Variants in EPM2A observed in about 807,000 individuals in gnomAD.
EPM2A encodes EPM2A glucan phosphatase, laforin, also known as laforin.
Under a neutral mutation model 26.5 loss-of-function variants are expected in EPM2A, and 21 were observed. The ratio of observed to expected loss-of-function variants is 0.79; its 90% confidence interval spans 0.56 to 1.14. The LOEUF is 1.14. Among genes scored for constraint, EPM2A ranks in the 50% most tolerant of loss-of-function variants. The pLI, the probability that EPM2A is intolerant of heterozygous loss-of-function variation, is 0.00. For missense variants in EPM2A, 458 were observed against 440.8 expected (o/e 1.04, Z -0.35); for synonymous variants, 217 against 177.6 (o/e 1.22, Z -1.76).
chr6:145,413,820 C>T (rs186310886), intron 4 of EPM2A, among the ~76,000 whole-genome samples: 11 of 152,296 alleles, frequency 7.2e-5, no homozygotes, highest in Non-Finnish European at 1.5e-4. Flanking sequence ...TAGACGGAAG[C>T]ATTTACACAC....
intron 2 of EPM2A, among the ~76,000 whole-genome samples, chr6:145,655,412 C>G (rs557135794): frequency 3.4e-4 from 52 of 152,214 alleles, no homozygotes; most frequent in African/African-American, 1.2e-3. Flanking sequence ...AGGATCTACT[C>G]TGTACCCAGG....
intron 4 of EPM2A, among the ~76,000 whole-genome samples, chr6:145,409,352 T>G (rs967907833): frequency 1.3e-5 from 2 of 152,198 alleles, no homozygotes; most frequent in Non-Finnish European, 2.9e-5. Flanking sequence ...ACTATCTATT[T>G]CTCCATATAG....
chr6:145,465,988 C>A (rs1225872485), intron 4 of EPM2A, among the ~76,000 whole-genome samples: 1 of 152,026 alleles, frequency 6.6e-6, no homozygotes, highest in East Asian at 1.9e-4. Flanking sequence ...AAAATCAATT[C>A]AAAATGGATT....
intron 2 of EPM2A, among the ~76,000 whole-genome samples, chr6:145,579,088 A>C (rs1392452878): frequency 2.6e-5 from 4 of 152,136 alleles, no homozygotes; most frequent in African/African-American, 9.7e-5. Flanking sequence ...CCAACATGGC[A>C]CATGTATACA....
At chr6:145,706,961 T>C (rs1438185246) in intron 1 of EPM2A, among the ~76,000 whole-genome samples, 2 of 152,174 alleles carry the variant, frequency 1.3e-5, no homozygotes, top group African/African-American at 2.4e-5. Flanking sequence ...TTAGTGTCTT[T>C]ATAAAAGGGC....
intron 2 of EPM2A, among the ~76,000 whole-genome samples, chr6:145,660,125 G>A (rs1318768753): frequency 6.6e-6 from 1 of 152,036 alleles, no homozygotes; most frequent in Non-Finnish European, 1.5e-5. Context: ...TATTTTATTT[G>A]TCTCTAGCAT....
chr6:145,508,708 A>G (rs1780013090), intron 2 of EPM2A, among the ~76,000 whole-genome samples: 1 of 152,240 alleles, frequency 6.6e-6, no homozygotes, highest in African/African-American at 2.4e-5. Flanking sequence ...TTTCACCTCC[A>G]AAGGATTGTA....
intron 2 of EPM2A, among the ~76,000 whole-genome samples, chr6:145,609,962 A>G (rs1582894360): frequency 6.6e-6 from 1 of 152,210 alleles, no homozygotes; most frequent in East Asian, 1.9e-4. Flanking sequence ...CATGCCTGTA[A>G]TCCCAGCACT....
At chr6:145,559,669 CT>C (rs1780777910) in intron 2 of EPM2A, among the ~76,000 whole-genome samples, 1 of 124,906 alleles carries the variant, frequency 8.0e-6, no homozygotes, top group East Asian at 2.3e-4. Flanking sequence ...ATAATACTTT[CT>C]CCTTTTTTTT....
chr6:145,553,796 C>CAT (rs1159654573), intron 2 of EPM2A, among the ~76,000 whole-genome samples: 1 of 147,276 alleles, frequency 6.8e-6, no homozygotes, highest in Non-Finnish European at 1.5e-5. Flanking sequence ...CAAATAGTTA[C>CAT]ATATATATAT....
chr6:145,718,649 C>T (rs1282970302), intron 1 of EPM2A, among the ~76,000 whole-genome samples: 6 of 152,142 alleles, frequency 3.9e-5, no homozygotes, highest in Non-Finnish European at 8.8e-5. Flanking sequence ...AGCTTCTGCA[C>T]AGCAAAAGAA....
rs374336819 is a variant in EPM2A, at chr6:145,627,300, G to C, written c.*116C>G. On this transcript the variant is annotated 3_prime_UTR_variant, in exon 4 of 4. Coordinates refer to ENST00000367519, the MANE Select transcript of EPM2A (RefSeq NM_005670.4). ...CATCCCAGGTGAAAGTGGTTGGCTT[G>C]GGGGAGGTCACACAGTCCTTTCAGT... The C allele has an allele frequency of 3.8e-6, 6 of 1,586,154 alleles. No individual in the cohort carries two copies. The South Asian group carries it at 4.5e-5, about 12-fold the overall frequency.
intron 2 of EPM2A, among the ~76,000 whole-genome samples, chr6:145,682,894 T>C (rs750488489): frequency 6.6e-6 from 1 of 152,160 alleles, no homozygotes; most frequent in Non-Finnish European, 1.5e-5. Flanking sequence ...TTAGTTGAGT[T>C]TGAATACCTC....
At chr6:145,497,634 G>A (rs934481141), downstream of EPM2A, among the ~76,000 whole-genome samples, 6 of 142,842 alleles carry the variant, frequency 4.2e-5, no homozygotes, top group East Asian at 2.0e-4. Flanking sequence ...CCTGGAGACC[G>A]GAACAGCTAA....
At chr6:145,408,921 G>A (rs1205559279) in intron 4 of EPM2A, among the ~76,000 whole-genome samples, 1 of 152,030 alleles carries the variant, frequency 6.6e-6, no homozygotes, top group Non-Finnish European at 1.5e-5. Context: ...ATCTCCCAAA[G>A]GTCTTCCCTT....
Position 145,617,715 on chromosome 6 carries a change from T to A in EPM2A, c.340+17530A>T, listed in dbSNP as rs146074902. Among the ~76,000 whole-genome samples the A allele has an allele frequency of 3.3e-5, 5 of 152,158 alleles. No individual in the cohort carries two copies. The East Asian group carries it at 9.7e-4, about 29-fold the overall frequency. On this transcript the variant is annotated intron_variant, in intron 2 of 3. Coordinates refer to the EPM2A transcript ENST00000450221. ...ACACTTTGGGAGACCAAGGCAGGAG[T>A]GTCACTTAATCCCAGGAGTTTGAGA...
chr6:145,735,452 G>A lies in EPM2A; in HGVS notation c.47C>T (p.Ala16Val), dbSNP rs1209247378. The part of the protein sequence containing the change: ...GVVVPPAVAG[A>V]RPELLVVGSR... Reference sequence around the variant, plus strand: ...CCCCACCACCAGCAGCTCCGGCCGGGCGCCGGCCACGGCGGGTGGCACCAC... The same window carrying A: ...CCCCACCACCAGCAGCTCCGGCCGGACGCCGGCCACGGCGGGTGGCACCAC... The change falls in exon 1 of 4, where the codon GCC becomes GTC. Residue 16 changes from alanine (A) to valine (V), a missense_variant. By Grantham distance (64) the Ala-to-Val change is moderately conservative. Coordinates refer to ENST00000367519, the MANE Select transcript of EPM2A (RefSeq NM_005670.4). 1.6e-6 allele frequency: 2 copies of A among 1,241,444 alleles called. No individual in the cohort carries two copies. The highest frequency in any genetic ancestry group is 5.7e-5 in the South Asian group (2 of 34,978). The allele number at this position is 1,241,444 out of a possible 1,614,324, so 76.9% of individuals were successfully genotyped here.
intron 2 of EPM2A, among the ~76,000 whole-genome samples, chr6:145,680,416 G>C (rs1450197588): frequency 6.9e-6 from 1 of 144,530 alleles, no homozygotes; most frequent in East Asian, 2.0e-4. Flanking sequence ...TATACTTTAA[G>C]TTTTAGGGTA....
rs1035393073 is a variant in EPM2A at position 145,391,634 on chromosome 6, C to A, written c.556-7537G>T. The stretch of plus-strand genomic sequence containing the variant: ...ATCTTTTCCTCCCTCGAAGTGCCTG[C>A]TTTTCAGTGTCAGCTGGAAGTTCCC... On this transcript the variant is annotated intron_variant, in intron 4 of 4. Transcript: ENST00000638717. Among the ~76,000 whole-genome samples the A allele has an allele frequency of 3.3e-5, 5 of 152,158 alleles. No homozygotes were observed. The South Asian group carries it at 8.3e-4, about 25-fold the overall frequency.
Sources: allele counts gnomAD v4.1 joint callset (sites outside exome capture counted in the v4.1 genomes callset), GRCh38; gene constraint gnomAD v4.1.1; transcripts MANE v1.5; gene names NCBI Gene and HGNC (gene_info 2026-07-23, HGNC 2026-07-21).